The following FBXW12 variants were observed in gnomAD, a reference collection of about 807,000 sequenced individuals.
FBXW12 encodes the protein F-box/WD repeat-containing protein 12.
FBXW12 carries 43 observed loss-of-function variants against 55.3 expected under a neutral mutation model. That is an observed-to-expected ratio of 0.78 (90% CI 0.61 to 1.00). The LOEUF is 1.00. Ranked by LOEUF, FBXW12 falls within the 50% of genes least tolerant of loss-of-function variation. FBXW12 has a pLI of 0.00. For synonymous variants in FBXW12, 184 were observed against 203.8 expected (o/e 0.90, Z 0.83); for missense variants, 524 against 560.5 (o/e 0.93, Z 0.66).
intron 1 of FBXW12, 77 bp downstream of exon 1, chr3:48,372,397 T>C: frequency 6.7e-7 from 1 of 1,502,998 alleles, no homozygotes; most frequent in Non-Finnish European, 9.1e-7. Flanking sequence ...GACACTCAGA[T>C]CTGATCAAAG....
At chr3:48,390,975 A>G (rs1328355714) in intron 10 of FBXW12, among the ~76,000 whole-genome samples, 8 of 151,832 alleles carry the variant, frequency 5.3e-5, no homozygotes, top group Admixed American at 2.0e-4. Context: ...TTCTTTGTAT[A>G]GAATCATATT....
intron 5 of FBXW12, among the ~76,000 whole-genome samples, chr3:48,377,218 A>G (rs725309): frequency 0.58 from 87,768 of 152,058 alleles, 25,294 homozygotes; most frequent in South Asian, 0.68. Flanking sequence ...GCCCCATGAT[A>G]ATCACGATCA....
intron 10 of FBXW12, among the ~76,000 whole-genome samples, chr3:48,388,734 A>G (rs1400280367): frequency 6.6e-6 from 1 of 152,206 alleles, no homozygotes; most frequent in African/African-American, 2.4e-5. Flanking sequence ...TAAGTATAAA[A>G]GTTTAATGGA....
At chr3:48,374,058 C>A (rs2036644056) in intron 4 of FBXW12, among the ~76,000 whole-genome samples, 1 of 152,216 alleles carries the variant, frequency 6.6e-6, no homozygotes, top group Non-Finnish European at 1.5e-5. Context: ...GTGGCTCATG[C>A]CTGTAATCCC....
At chr3:48,374,956 G>A (rs2036661972) in intron 4 of FBXW12, among the ~76,000 whole-genome samples, 1 of 150,498 alleles carries the variant, frequency 6.6e-6, no homozygotes, top group South Asian at 2.1e-4. Flanking sequence ...GTAGAGACAG[G>A]TTTAGCATGT....
chr3:48,381,273 C>T (rs1369862448), intron 8 of FBXW12, among the ~76,000 whole-genome samples: 7 of 152,098 alleles, frequency 4.6e-5, no homozygotes, highest in African/African-American at 1.4e-4. Flanking sequence ...CCGCCTGCCT[C>T]GGCCTCCCAA....
chr3:48,373,501 G>A (rs1424984438), intron 3 of FBXW12, 47 bp from the exon 4 acceptor site: 1 of 1,605,556 alleles, frequency 6.2e-7, no homozygotes, highest in Admixed American at 1.7e-5. Flanking sequence ...CTCTGAGGAG[G>A]TGAACTGACT....
intron 5 of FBXW12, 22 bp from the exon 6 acceptor site, chr3:48,378,295 T>C: frequency 6.3e-7 from 1 of 1,586,062 alleles, no homozygotes; most frequent in Non-Finnish European, 8.7e-7. Context: ...TGAACACAGG[T>C]CGTGTTACTC....
Position 48,379,393 on chromosome 3 carries a change from G to A in FBXW12, c.616-7G>A. 1 of 1,613,976 alleles carries A rather than the reference G, an allele frequency of 6.2e-7. No homozygotes were observed. On this transcript the variant is annotated splice_polypyrimidine_tract_variant and splice_region_variant and intron_variant, in intron 6 of 10. Transcript: ENST00000296438. The stretch of plus-strand genomic sequence containing the variant: ...CTATTGATATGGTGGGGATGCTTTG[G>A]TTTCAGGTTGGCGATGCTGCAGGTG...
chr3:48,379,307 G>A, intron 6 of FBXW12, 93 bp from the exon 7 acceptor site: 2 of 1,126,572 alleles, frequency 1.8e-6, no homozygotes, highest in Non-Finnish European at 2.7e-6. Flanking sequence ...TGAAGAAACA[G>A]TGGCATATCT....
intron 10 of FBXW12, 139 bp downstream of exon 10, chr3:48,382,224 C>T: frequency 1.1e-6 from 1 of 945,260 alleles, no homozygotes; most frequent in Non-Finnish European, 1.6e-6. Flanking sequence ...TCTAGCAATT[C>T]TCCTGCTTCA....
intron 10 of FBXW12, among the ~76,000 whole-genome samples, chr3:48,388,287 T>A (rs777400457): frequency 2.6e-5 from 4 of 152,220 alleles, no homozygotes; most frequent in Non-Finnish European, 4.4e-5. Flanking sequence ...AACAATTAGA[T>A]CACCTTGGTT....
intron 4 of FBXW12, among the ~76,000 whole-genome samples, chr3:48,374,518 G>T (rs2036654542): frequency 6.6e-6 from 1 of 151,950 alleles, no homozygotes. Flanking sequence ...AGTACAGATG[G>T]GGTTTCACCA....
In FBXW12 at chr3:48,385,072, C is replaced by T. The variant is rs567874955; in HGVS notation, c.1295+2987C>T. Among the ~76,000 whole-genome samples, 3 of 152,234 alleles carry T rather than the reference C, an allele frequency of 2.0e-5. No individual in the cohort carries two copies. In the East Asian group the frequency reaches 5.8e-4, roughly 29 times the overall value. On this transcript the variant is annotated intron_variant, in intron 10 of 10. Coordinates refer to ENST00000296438, the MANE Select transcript of FBXW12 (RefSeq NM_207102.2). ...GTGCCACAGATCTCTGAAACTTATT[C>T]CTCCTGCCTAATGGAAATGCTGGGC...
chr3:48,391,028 G>A (rs1180886691), intron 10 of FBXW12, among the ~76,000 whole-genome samples: 1 of 149,038 alleles, frequency 6.7e-6, no homozygotes, highest in African/African-American at 2.5e-5. Flanking sequence ...CCAGCACTTT[G>A]GGAGGCTGAG....
At chr3:48,386,800 C>T (rs983724231) in intron 10 of FBXW12, among the ~76,000 whole-genome samples, 1 of 152,124 alleles carries the variant, frequency 6.6e-6, no homozygotes, top group Non-Finnish European at 1.5e-5. Context: ...AACATTAAAT[C>T]AGCCTTGCAT....
chr3:48,394,393 G>T (rs916406272), intron 10 of FBXW12, among the ~76,000 whole-genome samples, 167 bp from the exon 11 acceptor site: 2 of 151,846 alleles, frequency 1.3e-5, no homozygotes, highest in African/African-American at 4.9e-5. Flanking sequence ...AATAATCAGT[G>T]TAACTTTCCC....
rs1422377726 is a variant in FBXW12 at position 48,372,234 on chromosome 3, T to C, written c.-171T>C. 1 of 1,550,064 alleles carries C rather than the reference T, an allele frequency of 6.5e-7. No individual in the cohort carries two copies. Among genetic ancestry groups the C allele is most frequent in the Non-Finnish European group, 8.7e-7 (1 of 1,145,482 alleles). ...GCTTGGCACGTTCTTTCTCCTCCAC[T>C]GCAAAGTTAAATGCGAGAAGGTAGA... On this transcript the variant is annotated 5_prime_UTR_variant, in exon 1 of 11. Transcript: ENST00000296438.
rs1030727264 is a variant in FBXW12 at position 48,379,486 on chromosome 3, T to C, written c.702T>C (p.Ile234=). The C allele has an allele frequency of 9.9e-6, 16 of 1,613,894 alleles. No individual in the cohort carries two copies. Among genetic ancestry groups the C allele is most frequent in the Admixed American group, 1.7e-5 (1 of 60,010 alleles). The part of the protein sequence containing the change: ...VSKVTAFQYG[I]VLLHCSPDKK... ...AAGTTACTGCATTTCAATATGGTAT[T>C]GTACTTCTACACTGCTCTCCTGACA... The change falls in exon 7 of 11, where the codon ATT becomes ATC. Residue 234 remains isoleucine (I), a synonymous_variant. Coordinates refer to ENST00000296438, the MANE Select transcript of FBXW12 (RefSeq NM_207102.2).
Sources: allele counts gnomAD v4.1 joint callset (sites outside exome capture counted in the v4.1 genomes callset), GRCh38; gene constraint gnomAD v4.1.1; transcripts MANE v1.5; gene names NCBI Gene and HGNC (gene_info 2026-07-23, HGNC 2026-07-21).